Variants in NUDT3 observed in about 807,000 individuals in gnomAD.
NUDT3 encodes the protein diphosphoinositol polyphosphate phosphohydrolase 1.
Under a neutral mutation model 23.6 loss-of-function variants are expected in NUDT3, and 9 were observed. The ratio of observed to expected loss-of-function variants is 0.38; its 90% CI spans 0.23 to 0.66. The LOEUF (loss-of-function observed/expected upper bound fraction) is 0.66, where lower values mean the gene tolerates loss of function less well. Among genes scored for constraint, NUDT3 ranks in the 30% least tolerant of loss-of-function variants. The pLI is 0.52. For missense variants in NUDT3, 172 were observed against 218.5 expected, an observed-to-expected ratio of 0.79 and a Z score of 1.34; for synonymous variants, 86 against 82.6, an observed-to-expected ratio of 1.04 and a Z score of -0.22.
At position 34,288,682 on chromosome 6, in the gene NUDT3, C is replaced by T. The variant is rs920670079; in HGVS notation, c.*71G>A. The T allele has an allele frequency of 5.2e-6, 8 of 1,533,744 alleles. No homozygotes were observed. The highest frequency in any genetic ancestry group is 2.8e-5 in the African/African-American group (2 of 71,726). On this transcript the variant is annotated 3_prime_UTR_variant, in exon 5 of 5. Coordinates refer to ENST00000607016, the MANE Select transcript of NUDT3 (RefSeq NM_006703.4). ...GGAGGCCTGTGAGAAGTGGAAAGAGCCAGGGTGAGAGGGAAGATTTGCACT... is the reference window on the plus strand; with the variant it reads ...GGAGGCCTGTGAGAAGTGGAAAGAGTCAGGGTGAGAGGGAAGATTTGCACT...
chr6:34,351,198 T>TTAAAAAAAA (rs1764462307), intron 1 of NUDT3, among the ~76,000 whole-genome samples: 1 of 17,890 alleles, frequency 5.6e-5, no homozygotes. Flanking sequence ...CTCCCCTGCC[T>TTAAAAAAAA]AAAAAAAAAA....
At chr6:34,342,100 ACTT>A in intron 1 of NUDT3, 128 bp from the exon 2 acceptor site, 1 of 773,306 alleles carries the variant, frequency 1.3e-6, no homozygotes, top group East Asian at 2.8e-5. Context: ...TTCCCAAATC[ACTT>A]CTTGCAAAGT....
chr6:34,369,984 A>T (rs1420246368), intron 1 of NUDT3, among the ~76,000 whole-genome samples: 6 of 152,126 alleles, frequency 3.9e-5, no homozygotes, highest in Admixed American at 3.9e-4. Context: ...CTAAAAACAA[A>T]TTTTTTAAAG....
chr6:34,314,895 G>C (rs1022328955), intron 2 of NUDT3, among the ~76,000 whole-genome samples: 1 of 152,150 alleles, frequency 6.6e-6, no homozygotes, highest in Non-Finnish European at 1.5e-5. Flanking sequence ...TTGATATCTA[G>C]AGATGATAAA....
At chr6:34,388,908 C>T (rs981405029) in intron 1 of NUDT3, among the ~76,000 whole-genome samples, 2 of 152,122 alleles carry the variant, frequency 1.3e-5, no homozygotes, top group Admixed American at 6.6e-5. Flanking sequence ...CATTAGCCAA[C>T]GTTCAAAAAG....
rs1763321378 is a variant in NUDT3 at position 34,285,332 on chromosome 6, A to C, written c.*3421T>G. On this transcript the variant is annotated 3_prime_UTR_variant, in exon 5 of 5. Coordinates refer to ENST00000607016, the MANE Select transcript of NUDT3 (RefSeq NM_006703.4). Reference sequence around the variant, plus strand: ...CATACACACACACACACCCAGAGAGAAGACAGAGAGAAAATCCTGGTCCAA... The same window carrying C: ...CATACACACACACACACCCAGAGAGCAGACAGAGAGAAAATCCTGGTCCAA... 1 of 152,198 alleles carries C rather than the reference A, an allele frequency of 6.6e-6. No individual in the cohort carries two copies. The highest frequency in any genetic ancestry group is 2.1e-4 in the South Asian group (1 of 4,824). The allele number at this position is 152,198 out of a possible 1,614,324, so 9.4% of individuals were successfully genotyped here. A position where few individuals can be genotyped will look rare whatever the true frequency, so the allele number is the denominator to read the frequency against.
rs118031299 is a variant in NUDT3, at chr6:34,325,998, C to A, written c.210+15864G>T. ...TTCATTTTGAAAAATGTCAAACATA[C>A]AGAAAAATTATTTGCCTATTTTAGT... On this transcript the variant is annotated intron_variant, in intron 2 of 4. Transcript: ENST00000607016. 2.1e-3 allele frequency among the ~76,000 whole-genome samples: 326 copies of A among 151,660 alleles called. 1 individual carries two copies. The highest frequency in any genetic ancestry group is 0.011 in the East Asian group (57 of 5,190).
rs548565735 is a variant in NUDT3 at position 34,390,460 on chromosome 6, T to C, written c.99+1804A>G. Among the ~76,000 whole-genome samples the C allele has an allele frequency of 1.5e-4, 23 of 152,220 alleles. No individual in the cohort carries two copies. The East Asian group carries it at 4.4e-3, about 29-fold the overall frequency. ...TAACAGAAAATGGAAAATTAAGCCG[T>C]TGCTAGTTTGCTTATGATCTATAGT... On this transcript the variant is annotated intron_variant, in intron 1 of 4. Coordinates refer to ENST00000607016, the MANE Select transcript of NUDT3 (RefSeq NM_006703.4).
chr6:34,294,374 G>T (rs1387726795), intron 3 of NUDT3, among the ~76,000 whole-genome samples: 1 of 151,798 alleles, frequency 6.6e-6, no homozygotes, highest in East Asian at 2.0e-4. Context: ...CTCCCACTTT[G>T]GCCTCCCAAA....
Position 34,299,466 on chromosome 6 carries a change from T to A in NUDT3, c.211-3781A>T, listed in dbSNP as rs543603943. The stretch of plus-strand genomic sequence containing the variant: ...TTTTTTAAGAGACAGGGTCTCACTC[T>A]GTCGCCCAGGCTAGGGCGCATGGTC... On this transcript the variant is annotated intron_variant, in intron 2 of 4. Coordinates refer to ENST00000607016, the MANE Select transcript of NUDT3 (RefSeq NM_006703.4). Among the ~76,000 whole-genome samples, 12 of 152,214 alleles carry A rather than the reference T, an allele frequency of 7.9e-5. No homozygotes were observed. In the South Asian group the frequency reaches 2.5e-3, roughly 32 times the overall value.
At chr6:34,389,286 G>C (rs7760471) in intron 1 of NUDT3, among the ~76,000 whole-genome samples, 7,189 of 152,210 alleles carry the variant, frequency 0.047, 274 homozygotes, top group African/African-American at 0.1. Flanking sequence ...ACAAGTGTTT[G>C]GGAGTTCCTC....
At chr6:34,290,732 G>A (rs114511882) in intron 4 of NUDT3, among the ~76,000 whole-genome samples, 1 of 146,070 alleles carries the variant, frequency 6.8e-6, no homozygotes, top group Non-Finnish European at 1.5e-5. Context: ...ATAGTATCTA[G>A]TATGGATGTA....
At chr6:34,326,676 C>T (rs1237661123) in intron 2 of NUDT3, among the ~76,000 whole-genome samples, 1 of 151,954 alleles carries the variant, frequency 6.6e-6, no homozygotes, top group Non-Finnish European at 1.5e-5. Context: ...TCTCAGCTCA[C>T]TGCAACCTCT....
chr6:34,281,394 G>A lies in NUDT3; in HGVS notation c.*7359C>T, dbSNP rs1164702852. The A allele has an allele frequency of 6.6e-6, 1 of 152,176 alleles. No homozygotes were observed. The highest frequency in any genetic ancestry group is 1.5e-5 in the Non-Finnish European group (1 of 68,040). 9.4% of individuals were successfully genotyped at this position (152,176 alleles called of 1,614,324 possible). ...ACACCTAAGAAGGTGAGAGACACTA[G>A]CTTCAATTCCATTTTACAACAGTTC... is the stretch of plus-strand genomic sequence containing the variant. On this transcript the variant is annotated 3_prime_UTR_variant, in exon 5 of 5. Coordinates refer to ENST00000607016, the MANE Select transcript of NUDT3 (RefSeq NM_006703.4).
At chr6:34,382,830 C>CA (rs35166080) in intron 1 of NUDT3, among the ~76,000 whole-genome samples, 2,059 of 144,724 alleles carry the variant, frequency 0.014, 45 homozygotes, top group African/African-American at 0.047. Context: ...GACCCTGTCT[C>CA]AAAAAAAAAA....
intron 2 of NUDT3, among the ~76,000 whole-genome samples, chr6:34,322,518 T>C (rs540459842): frequency 1.1e-4 from 17 of 152,282 alleles, no homozygotes; most frequent in East Asian, 5.8e-4. Context: ...CATGAGCCAC[T>C]GCGCCCGGTC....
chr6:34,375,205 A>T (rs1314576811), intron 1 of NUDT3, among the ~76,000 whole-genome samples: 1 of 152,144 alleles, frequency 6.6e-6, no homozygotes, highest in Non-Finnish European at 1.5e-5. Flanking sequence ...TTAGCCAGGC[A>T]TGACAGTGCT....
chr6:34,349,947 A>G (rs536453159), intron 1 of NUDT3, among the ~76,000 whole-genome samples: 17 of 150,350 alleles, frequency 1.1e-4, no homozygotes, highest in African/African-American at 4.0e-4. Flanking sequence ...AAAATGAGCC[A>G]GGCGTGGTAG....
intron 2 of NUDT3, among the ~76,000 whole-genome samples, chr6:34,317,893 ACATACTCAGC>A (rs1763885830): frequency 6.6e-6 from 1 of 152,158 alleles, no homozygotes. Flanking sequence ...TCCTCTGGAA[ACATACTCAGC>A]TATCTCAATG....
Sources: allele counts gnomAD v4.1 joint callset (sites outside exome capture counted in the v4.1 genomes callset), GRCh38; gene constraint gnomAD v4.1.1; transcripts MANE v1.5; gene names NCBI Gene and HGNC (gene_info 2026-07-23, HGNC 2026-07-21).